CLDN10: variants seen among roughly 807,000 people sequenced by gnomAD.
CLDN10 encodes the protein claudin 10, also known as claudin-10.
Under a neutral mutation model 22.9 loss-of-function variants are expected in CLDN10, and 15 were observed. That is an observed-to-expected ratio of 0.65 (90% CI 0.44 to 1.01). CLDN10 has a LOEUF of 1.01. Ranked by LOEUF, CLDN10 falls within the 50% of genes least tolerant of loss-of-function variation. CLDN10 has a pLI of 0.00. For missense variants in CLDN10, 247 were observed against 287.8 expected (o/e 0.86, Z 1.03); for synonymous variants, 114 against 111.4 (o/e 1.02, Z -0.15).
chr13:95,469,628 A>C (rs181273039), intron 1 of CLDN10, among the ~76,000 whole-genome samples: 281 of 152,286 alleles, frequency 1.8e-3, no homozygotes, highest in Admixed American at 3.3e-3. Flanking sequence ...CTGGAAAATA[A>C]TCTGCTGTCT....
At chr13:95,441,857 A>G (rs1292604864) in intron 1 of CLDN10, among the ~76,000 whole-genome samples, 1 of 152,234 alleles carries the variant, frequency 6.6e-6, no homozygotes, top group Admixed American at 6.5e-5. Flanking sequence ...TGGTGATTAA[A>G]GAAGACACAT....
At chr13:95,570,856 GTGTATATATATATA>G (rs1566344350) in intron 3 of CLDN10, among the ~76,000 whole-genome samples, 1 of 36,888 alleles carries the variant, frequency 2.7e-5, no homozygotes. Context: ...ACATATACGT[GTGTATATATATATA>G]TATATATATA....
intron 1 of CLDN10, among the ~76,000 whole-genome samples, chr13:95,504,978 CCCTGCTCT>C (rs2043023351): frequency 6.6e-6 from 1 of 152,208 alleles, no homozygotes; most frequent in East Asian, 1.9e-4. Flanking sequence ...TGAGCTTTAA[CCCTGCTCT>C]TCCCCCAACT....
intron 1 of CLDN10, among the ~76,000 whole-genome samples, chr13:95,460,922 A>G (rs2042530561): frequency 6.6e-6 from 1 of 152,134 alleles, no homozygotes; most frequent in African/African-American, 2.4e-5. Context: ...CAGTCTGGCC[A>G]ACATGGTGAA....
At chr13:95,556,438 G>C (rs1311393287) in intron 1 of CLDN10, among the ~76,000 whole-genome samples, 2 of 152,164 alleles carry the variant, frequency 1.3e-5, no homozygotes, top group Non-Finnish European at 2.9e-5. Flanking sequence ...GCCTAGCAAA[G>C]CTATATGTCT....
chr13:95,502,356 C>A (rs971230551), intron 1 of CLDN10, among the ~76,000 whole-genome samples: 1 of 152,158 alleles, frequency 6.6e-6, no homozygotes, highest in Non-Finnish European at 1.5e-5. Context: ...GATTTCTCAC[C>A]TCTCAAATGT....
intron 3 of CLDN10, among the ~76,000 whole-genome samples, chr13:95,573,656 C>T (rs1345866064): frequency 6.6e-6 from 1 of 152,118 alleles, no homozygotes; most frequent in African/African-American, 2.4e-5. Context: ...TTTCTCAACC[C>T]TGTCTTTCAA....
intron 3 of CLDN10, among the ~76,000 whole-genome samples, chr13:95,567,628 G>A (rs569002616): frequency 8.9e-4 from 135 of 152,272 alleles, no homozygotes; most frequent in Non-Finnish European, 1.5e-3. Flanking sequence ...TCTCTTGCCT[G>A]ATTGCCCTGG....
intron 3 of CLDN10, among the ~76,000 whole-genome samples, chr13:95,571,410 T>A (rs1003895300): frequency 5.3e-5 from 8 of 152,182 alleles, no homozygotes; most frequent in African/African-American, 1.9e-4. Flanking sequence ...AATTTTTCCA[T>A]CCTACTTTAG....
intron 1 of CLDN10, among the ~76,000 whole-genome samples, chr13:95,489,826 C>T (rs557509360): frequency 8.7e-4 from 133 of 152,276 alleles, no homozygotes; most frequent in African/African-American, 3.1e-3. Flanking sequence ...CCAATGTTAT[C>T]TTCTACAATA....
chr13:95,463,667 T>C (rs1381148053), intron 1 of CLDN10, among the ~76,000 whole-genome samples: 2 of 152,022 alleles, frequency 1.3e-5, no homozygotes, highest in Admixed American at 1.3e-4. Flanking sequence ...TGAAACTACT[T>C]ACACAGGTTT....
At chr13:95,560,666 G>A (rs2043696342) in intron 3 of CLDN10, 4 of 566,162 alleles carry the variant, frequency 7.1e-6, no homozygotes, top group African/African-American at 1.9e-5. Flanking sequence ...GTGTTGCAGT[G>A]TCTTGTCTCG....
intron 3 of CLDN10, chr13:95,560,954 G>A (rs4143093): frequency 0.26 from 39,583 of 153,764 alleles, 5,394 homozygotes; most frequent in South Asian, 0.31. Flanking sequence ...TACGATGCAA[G>A]GTTTTTGAAA....
Position 95,547,525 on chromosome 13 carries a change from G to A in CLDN10, c.215-12607G>A, listed in dbSNP as rs541792836. ...CTGAATAATATTCATTATTTACTAA[G>A]CATCCACTACATTCCTGTCCTTCAT... On this transcript the variant is annotated intron_variant, in intron 1 of 4. Transcript: ENST00000376873. 3.3e-5 allele frequency among the ~76,000 whole-genome samples: 5 copies of A among 152,266 alleles called. No individual in the cohort carries two copies. In the South Asian group the frequency reaches 1.0e-3, roughly 32 times the overall value.
At chr13:95,507,277 T>C (rs2043048088) in intron 1 of CLDN10, among the ~76,000 whole-genome samples, 1 of 152,164 alleles carries the variant, frequency 6.6e-6, no homozygotes, top group African/African-American at 2.4e-5. Context: ...CCAGCTTTAT[T>C]CTGATGTCTC....
At chr13:95,482,775 G>C (rs1364434140) in intron 1 of CLDN10, among the ~76,000 whole-genome samples, 1 of 152,142 alleles carries the variant, frequency 6.6e-6, no homozygotes, top group African/African-American at 2.4e-5. Context: ...TCAGGAGTTT[G>C]AGACCACCCT....
intron 1 of CLDN10, among the ~76,000 whole-genome samples, chr13:95,528,009 A>C (rs145644849): frequency 2.0e-5 from 3 of 152,288 alleles, no homozygotes; most frequent in Admixed American, 2.0e-4. Flanking sequence ...ATCTGACAGC[A>C]TGTTTTCTGG....
rs535213918 is a variant in CLDN10 at position 95,527,922 on chromosome 13, T to C, written c.215-32210T>C. Among the ~76,000 whole-genome samples, 6 of 152,306 alleles carry C rather than the reference T, an allele frequency of 3.9e-5. No individual in the cohort carries two copies. The South Asian group carries it at 1.2e-3, about 32-fold the overall frequency. ...TTGCTATTCGACTGCTATCATTGAATTGGATGTATGCTGAACCATTGACCA... is the reference window on the plus strand; with the variant it reads ...TTGCTATTCGACTGCTATCATTGAACTGGATGTATGCTGAACCATTGACCA... On this transcript the variant is annotated intron_variant, in intron 1 of 4. Transcript: ENST00000376873.
At chr13:95,516,557 T>C (rs2043169807) in intron 1 of CLDN10, among the ~76,000 whole-genome samples, 1 of 152,140 alleles carries the variant, frequency 6.6e-6, no homozygotes. Context: ...TTACCAAAAA[T>C]ATTTACAAGG....
Sources: gnomAD v4.1 joint callset for allele counts (sites outside exome capture counted in the v4.1 genomes callset) on GRCh38, gnomAD v4.1.1 for gene constraint, MANE v1.5 for transcripts, NCBI Gene and HGNC (gene_info 2026-07-23, HGNC 2026-07-21) for gene names.